Variants in EYS observed in about 807,000 individuals in gnomAD.
EYS encodes the protein EGF-like photoreceptor maintenance factor.
A neutral mutation model predicts 282.1 loss-of-function variants in EYS; 250 were observed. The ratio of observed to expected loss-of-function variants is 0.89; its 90% CI spans 0.80 to 0.98. The LOEUF (loss-of-function observed/expected upper bound fraction) is 0.98. Ranked by LOEUF, EYS falls within the 50% of genes least tolerant of loss-of-function variation. The probability of loss-of-function intolerance (pLI) is 0.00; values close to 1 mark genes in which losing one functional copy is unlikely to be tolerated. For missense variants in EYS, 4,016 were observed against 3,709.0 expected (o/e 1.08, Z -2.15); for synonymous variants, 1,355 against 1,282.9 (o/e 1.06, Z -1.20).
chr6:64,154,592 CTTTG>C (rs1320242917), intron 31 of EYS, among the ~76,000 whole-genome samples: 1 of 151,724 alleles, frequency 6.6e-6, no homozygotes, highest in African/African-American at 2.4e-5. Flanking sequence ...ATCTCCTATG[CTTTG>C]TTTATGTGAA....
At chr6:65,645,124 C>A (rs1387158122) in intron 1 of EYS, among the ~76,000 whole-genome samples, 1 of 150,778 alleles carries the variant, frequency 6.6e-6, no homozygotes, top group Non-Finnish European at 1.5e-5. Flanking sequence ...CTAGACAGGT[C>A]ATTAAGATAC....
chr6:64,604,541 A>G (rs571983951), intron 24 of EYS, among the ~76,000 whole-genome samples: 1 of 152,162 alleles, frequency 6.6e-6, no homozygotes, highest in South Asian at 2.1e-4. Context: ...TAAACATGAA[A>G]TAGTCACTTC....
At chr6:65,055,953 T>C (rs562457631) in intron 13 of EYS, among the ~76,000 whole-genome samples, 17 of 152,068 alleles carry the variant, frequency 1.1e-4, no homozygotes, top group Non-Finnish European at 2.1e-4. Context: ...CCAGTCACTA[T>C]CTGCTGTCCA....
intron 2 of EYS, among the ~76,000 whole-genome samples, chr6:65,528,626 T>C (rs1476211375): frequency 6.6e-6 from 1 of 152,216 alleles, no homozygotes; most frequent in African/African-American, 2.4e-5. Context: ...TTCCAGTGTC[T>C]TGATATTGAA....
Position 63,851,875 on chromosome 6 carries a change from T to A in EYS, c.7228+12311A>T, listed in dbSNP as rs1772260257. Reference sequence around the variant, plus strand: ...AAAAACCCTTAAAAAATCAATGAATTGGCCGGGCGCAGTGGCTCATGCCTG... The same window carrying A: ...AAAAACCCTTAAAAAATCAATGAATAGGCCGGGCGCAGTGGCTCATGCCTG... On this transcript the variant is annotated intron_variant, in intron 36 of 42. Coordinates refer to ENST00000503581, the MANE Select transcript of EYS (RefSeq NM_001142800.2). Among the ~76,000 whole-genome samples the A allele has an allele frequency of 2.6e-5, 4 of 151,622 alleles. No individual in the cohort carries two copies. The South Asian group carries it at 8.3e-4, about 32-fold the overall frequency.
At chr6:64,919,419 C>CTTTTTTTTTT (rs370375636) in intron 15 of EYS, among the ~76,000 whole-genome samples, 4 of 135,506 alleles carry the variant, frequency 3.0e-5, no homozygotes, top group Admixed American at 7.5e-5. Context: ...TTCTTTTTTT[C>CTTTTTTTTTT]TTTTTTTTTT....
chr6:64,771,775 G>A (rs990025275), intron 22 of EYS, among the ~76,000 whole-genome samples: 7 of 151,664 alleles, frequency 4.6e-5, no homozygotes, highest in African/African-American at 7.2e-5. Context: ...TTTCATACAT[G>A]TTCATTTTGC....
intron 19 of EYS, among the ~76,000 whole-genome samples, chr6:64,836,471 T>C (rs2150031579): frequency 6.6e-6 from 1 of 151,626 alleles, no homozygotes; most frequent in South Asian, 2.1e-4. Flanking sequence ...CTGTAGACAA[T>C]TTATGCAGGG....
chr6:64,450,142 A>C (rs1562001738), intron 26 of EYS, among the ~76,000 whole-genome samples: 1 of 152,092 alleles, frequency 6.6e-6, no homozygotes, highest in Non-Finnish European at 1.5e-5. Flanking sequence ...CATAGGCTCA[A>C]AATAAAGGGA....
At chr6:64,386,988 A>G (rs1772931607) in intron 29 of EYS, among the ~76,000 whole-genome samples, 1 of 152,130 alleles carries the variant, frequency 6.6e-6, no homozygotes, top group South Asian at 2.1e-4. Flanking sequence ...GTATATGTAT[A>G]TGGCAGCAAT....
chr6:64,339,139 CTTAA>C (rs1312063610), intron 29 of EYS, among the ~76,000 whole-genome samples: 1 of 151,924 alleles, frequency 6.6e-6, no homozygotes, highest in Admixed American at 6.6e-5. Flanking sequence ...ATAATTGGGA[CTTAA>C]TTAAACTAAA....
chr6:64,511,825 G>GT (rs1222551412), intron 26 of EYS, among the ~76,000 whole-genome samples: 1 of 137,058 alleles, frequency 7.3e-6, no homozygotes, highest in African/African-American at 2.6e-5. Context: ...TTTTGGGGGG[G>GT]GGTGTTAAAA....
rs930864297 is a variant in EYS at position 64,160,692 on chromosome 6, C to T, written c.6424+69900G>A. ...CTTTAATGCATCTTTGTCTTTTTGG[C>T]CATGGGACGTTGAAGAATGAATGAC... On this transcript the variant is annotated intron_variant, in intron 31 of 42. Transcript: ENST00000503581. Among the ~76,000 whole-genome samples, 74 of 152,154 alleles carry T rather than the reference C, an allele frequency of 4.9e-4. 1 individual carries two copies. The highest frequency in any genetic ancestry group is 4.3e-3 in the Admixed American group (65 of 15,274).
chr6:63,742,109 C>T (rs1275825148), intron 41 of EYS: 3 of 615,000 alleles, frequency 4.9e-6, no homozygotes, highest in Non-Finnish European at 9.0e-6. Flanking sequence ...GTACATCTGT[C>T]CTGCAGTTCT....
rs886044304 is a variant in EYS at position 64,591,034 on chromosome 6, AAATG to A, written c.4829_4832del (p.Ser1610PhefsTer7). 5.2e-6 allele frequency: 8 copies of A among 1,551,240 alleles called. No individual in the cohort carries two copies. Among genetic ancestry groups the A allele is most frequent in the Admixed American group, 2.0e-5 (1 of 50,952 alleles). Reference sequence around the variant, plus strand: ...ATGGTGTTATTTCAGTAGCAGAAGAAAATGAATGCCCAGAAGTGATAGTTTGAGC... The same window carrying A: ...ATGGTGTTATTTCAGTAGCAGAAGAAAATGCCCAGAAGTGATAGTTTGAGC... On this transcript the variant is annotated frameshift_variant, in exon 26 of 43. Transcript: ENST00000503581. LOFTEE classifies it high-confidence loss of function.
chr6:63,720,533 A>C lies in EYS; in HGVS notation c.*63T>G. On this transcript the variant is annotated 3_prime_UTR_variant, in exon 43 of 43. Coordinates refer to ENST00000503581, the MANE Select transcript of EYS (RefSeq NM_001142800.2). ...TTGATTCCCCGTAAGCAATGTATCA[A>C]AGAAATAACTATCAAAATAACTGCA... 5.6e-6 allele frequency: 7 copies of C among 1,239,012 alleles called. No individual in the cohort carries two copies. Among genetic ancestry groups the C allele is most frequent in the Non-Finnish European group, 7.6e-6 (7 of 915,202 alleles). 76.8% of individuals were successfully genotyped at this position (1,239,012 alleles called of 1,614,324 possible). A position where few individuals can be genotyped will look rare whatever the true frequency, so the allele number is the denominator to read the frequency against.
chr6:65,408,186 C>A (rs901612134), intron 5 of EYS, among the ~76,000 whole-genome samples: 2 of 151,942 alleles, frequency 1.3e-5, no homozygotes, highest in Admixed American at 1.3e-4. Context: ...TGATTGGATT[C>A]AATTTGCTTA....
chr6:63,898,269 A>G (rs1458208083), intron 35 of EYS, among the ~76,000 whole-genome samples: 1 of 152,064 alleles, frequency 6.6e-6, no homozygotes, highest in Non-Finnish European at 1.5e-5. Flanking sequence ...CGGGTGGGTC[A>G]CGAGGTCAGG....
chr6:65,450,200 ATT>A (rs1156945402), intron 5 of EYS, among the ~76,000 whole-genome samples: 1 of 151,982 alleles, frequency 6.6e-6, no homozygotes, highest in Non-Finnish European at 1.5e-5. Flanking sequence ...TAGCCTATTC[ATT>A]TCTTCAGATA....
Sources: allele counts gnomAD v4.1 joint callset (sites outside exome capture counted in the v4.1 genomes callset), GRCh38; gene constraint gnomAD v4.1.1; transcripts MANE v1.5; gene names NCBI Gene and HGNC (gene_info 2026-07-23, HGNC 2026-07-21).